The following KAZN variants were observed in gnomAD, a reference collection of about 807,000 sequenced individuals.
The protein encoded by KAZN is kazrin.
KAZN carries 40 observed loss-of-function variants against 87.4 expected under a neutral mutation model. The observed-to-expected ratio is 0.46, with a 90% CI of 0.36 to 0.60. The LOEUF is 0.60. Ranked by LOEUF, KAZN falls within the 20% of genes least tolerant of loss-of-function variation. The pLI is 0.00. For synonymous variants in KAZN, 466 were observed against 458.3 expected (o/e 1.02, Z -0.22); for missense variants, 898 against 1,073.9 (o/e 0.84, Z 2.29).
At chr1:14,671,820 T>C (rs1316497182) in intron 1 of KAZN, among the ~76,000 whole-genome samples, 1 of 152,200 alleles carries the variant, frequency 6.6e-6, no homozygotes, top group East Asian at 1.9e-4. Flanking sequence ...TTTTTGAAAA[T>C]TGGAAAATCA....
chr1:14,472,877 C>T (rs369549586), intron 2 of KAZN, among the ~76,000 whole-genome samples: 12 of 152,128 alleles, frequency 7.9e-5, no homozygotes, highest in East Asian at 5.8e-4. Flanking sequence ...GATACAAAGT[C>T]GATTAGATAT....
At chr1:14,644,094 C>T (rs562520697) in intron 1 of KAZN, among the ~76,000 whole-genome samples, 2 of 149,616 alleles carry the variant, frequency 1.3e-5, no homozygotes, top group Non-Finnish European at 3.0e-5. Context: ...TCACTGCAAC[C>T]TCCACCTCTC....
At chr1:14,695,556 A>G (rs1641555830) in intron 1 of KAZN, among the ~76,000 whole-genome samples, 1 of 101,488 alleles carries the variant, frequency 9.9e-6, no homozygotes, top group Non-Finnish European at 2.2e-5. Context: ...CCCAGGCTGG[A>G]GTGCAGTGGC....
intron 2 of KAZN, among the ~76,000 whole-genome samples, chr1:14,447,263 G>A (rs1472788974): frequency 7.4e-6 from 1 of 135,374 alleles, no homozygotes; most frequent in Non-Finnish European, 1.6e-5. Flanking sequence ...TATTGAGGCA[G>A]AATTTTGCTC....
intron 1 of KAZN, among the ~76,000 whole-genome samples, chr1:14,827,932 T>A (rs1646944362): frequency 1.3e-5 from 2 of 152,200 alleles, no homozygotes; most frequent in African/African-American, 4.8e-5. Flanking sequence ...TCCATTTGCA[T>A]AAAAGTTGGC....
At chr1:14,990,630 C>G (rs773808011) in intron 2 of KAZN, among the ~76,000 whole-genome samples, 3 of 152,020 alleles carry the variant, frequency 2.0e-5, no homozygotes, top group Non-Finnish European at 4.4e-5. Flanking sequence ...GTCATTGCAG[C>G]AGAGACCATG....
At chr1:14,528,449 C>T (rs957455574) in intron 2 of KAZN, among the ~76,000 whole-genome samples, 4 of 150,374 alleles carry the variant, frequency 2.7e-5, no homozygotes, top group African/African-American at 9.8e-5. Context: ...CTACAAAGAA[C>T]ACTCCTCCTA....
At chr1:14,570,274 A>G (rs1674784908) in intron 2 of KAZN, among the ~76,000 whole-genome samples, 1 of 150,880 alleles carries the variant, frequency 6.6e-6, no homozygotes, top group Non-Finnish European at 1.5e-5. Context: ...TTTATATGCC[A>G]TAAAATGTTC....
intron 2 of KAZN, among the ~76,000 whole-genome samples, chr1:14,387,826 C>T (rs1476715470): frequency 6.6e-6 from 1 of 152,150 alleles, no homozygotes; most frequent in South Asian, 2.1e-4. Flanking sequence ...CCTCCTTGAG[C>T]TGTGGTGGGC....
chr1:14,522,052 C>T (rs1671618465), intron 2 of KAZN, among the ~76,000 whole-genome samples: 1 of 152,080 alleles, frequency 6.6e-6, no homozygotes, highest in Non-Finnish European at 1.5e-5. Flanking sequence ...TTTACACAGG[C>T]CCTCTCCACC....
At chr1:14,100,282 A>G (rs1644220773) in intron 1 of KAZN, among the ~76,000 whole-genome samples, 1 of 152,176 alleles carries the variant, frequency 6.6e-6, no homozygotes, top group Non-Finnish European at 1.5e-5. Context: ...CACGGAGTCA[A>G]TGAATGTGGA....
chr1:14,856,736 C>T lies in KAZN; in HGVS notation c.227-103948C>T, dbSNP rs1650157027. Among the ~76,000 whole-genome samples the T allele has an allele frequency of 6.6e-6, 1 of 152,162 alleles. No homozygotes were observed. Among genetic ancestry groups the T allele is most frequent in the African/African-American group, 2.4e-5 (1 of 41,442 alleles). On this transcript the variant is annotated intron_variant, in intron 1 of 14. Transcript: ENST00000376030. The surrounding 1 kb of genome is among the most constrained non-coding windows in gnomAD (Gnocchi z 5.2). Reference sequence around the variant, plus strand: ...CTAAATCTTGGATTATTCTCAAGGACAATGGCCATTATGTCCATTCTTCCA... The same window carrying T: ...CTAAATCTTGGATTATTCTCAAGGATAATGGCCATTATGTCCATTCTTCCA...
intron 2 of KAZN, among the ~76,000 whole-genome samples, chr1:14,265,449 G>T (rs1651400887): frequency 6.6e-6 from 1 of 152,230 alleles, no homozygotes; most frequent in East Asian, 1.9e-4. Context: ...AAGGTTGCTG[G>T]CTGCATGGTG....
chr1:14,046,063 T>C (rs1642056328), intron 1 of KAZN, among the ~76,000 whole-genome samples: 1 of 152,136 alleles, frequency 6.6e-6, no homozygotes, highest in South Asian at 2.1e-4. Flanking sequence ...CACTTTTAAA[T>C]GTAAATTCTC....
At chr1:14,876,791 C>T (rs1452755719) in intron 1 of KAZN, among the ~76,000 whole-genome samples, 3 of 152,180 alleles carry the variant, frequency 2.0e-5, no homozygotes, top group African/African-American at 4.8e-5. Flanking sequence ...TTATTATTCT[C>T]CCTCCAGACC....
chr1:14,729,237 G>T (rs948500505), intron 1 of KAZN, among the ~76,000 whole-genome samples: 2 of 152,160 alleles, frequency 1.3e-5, no homozygotes, highest in Non-Finnish European at 2.9e-5. Context: ...GGCTGTCTTC[G>T]GCTTCACAGT....
At chr1:14,892,490 CCAG>C (rs1445563403) in intron 1 of KAZN, among the ~76,000 whole-genome samples, 1 of 151,902 alleles carries the variant, frequency 6.6e-6, no homozygotes, top group African/African-American at 2.4e-5. Flanking sequence ...TTGTTTCCCC[CCAG>C]ACACCACCAT....
chr1:14,228,667 C>A (rs1248804949), intron 2 of KAZN, among the ~76,000 whole-genome samples: 1 of 152,196 alleles, frequency 6.6e-6, no homozygotes, highest in Admixed American at 6.5e-5. Flanking sequence ...ATGGCTGAAT[C>A]TTCTGAATCT....
In KAZN at chr1:15,117,885, C is replaced by T. The variant is rs569237397; in HGVS notation, c.*3250C>T. ...GGCATTCTTGCCAATGGCTGGCCAG[C>T]GAGGAGAATCTCCCGAGCCCTGACA... On this transcript the variant is annotated 3_prime_UTR_variant, in exon 15 of 15. Coordinates refer to ENST00000376030, the MANE Select transcript of KAZN (RefSeq NM_201628.3). The T allele has an allele frequency of 5.9e-5, 9 of 152,162 alleles. No homozygotes were observed. The highest frequency in any genetic ancestry group is 1.2e-4 in the Non-Finnish European group (8 of 68,050). The allele number at this position is 152,162 out of a possible 1,614,324, so 9.4% of individuals were successfully genotyped here.
Sources: allele counts gnomAD v4.1 joint callset (sites outside exome capture counted in the v4.1 genomes callset), GRCh38; gene constraint gnomAD v4.1.1; non-coding constraint Gnocchi (gnomAD v3.1); transcripts MANE v1.5; gene names NCBI Gene and HGNC (gene_info 2026-07-23, HGNC 2026-07-21).